EVC: variants seen among roughly 807,000 people sequenced by gnomAD.
EVC encodes EvC ciliary complex subunit 1, also known as evC complex member EVC.
Under a neutral mutation model 118.9 loss-of-function variants are expected in EVC, and 116 were observed. The observed-to-expected ratio is 0.98, with a 90% CI of 0.84 to 1.14. The LOEUF is 1.14. Among genes scored for constraint, EVC ranks in the 50% most tolerant of loss-of-function variants. The probability of loss-of-function intolerance (pLI) is 0.00; values close to 1 mark genes in which losing one functional copy is unlikely to be tolerated. For missense variants in EVC, 1,401 were observed against 1,246.4 expected (o/e 1.12, Z -1.87); for synonymous variants, 619 against 534.7 (o/e 1.16, Z -2.18).
intron 12 of EVC, among the ~76,000 whole-genome samples, chr4:5,791,107 A>C (rs1463081784): frequency 5.3e-5 from 8 of 152,314 alleles, no homozygotes; most frequent in Admixed American, 1.3e-4. Flanking sequence ...AAAAGAAAAA[A>C]AGAAAATTAT....
chr4:5,735,947 C>T (rs1023719532), intron 5 of EVC, among the ~76,000 whole-genome samples: 4 of 152,110 alleles, frequency 2.6e-5, no homozygotes, highest in African/African-American at 7.2e-5. Flanking sequence ...GCTGTGCTGC[C>T]TGGAGACTTA....
At chr4:5,824,656 A>G in the EVC span, 1 of 955,322 alleles carries the variant, frequency 1.0e-6, no homozygotes, top group South Asian at 4.9e-5. Flanking sequence ...ATTGAATATA[A>G]CATCCTAGAT....
chr4:5,711,628 G>C (rs952626018), intron 1 of EVC, 74 bp downstream of exon 1: 1 of 1,086,050 alleles, frequency 9.2e-7, no homozygotes, highest in Admixed American at 5.1e-5. Flanking sequence ...CGGGCCCGGA[G>C]CCCCGGCTCT....
At chr4:5,767,792 C>T (rs886925917) in intron 11 of EVC, among the ~76,000 whole-genome samples, 1 of 152,194 alleles carries the variant, frequency 6.6e-6, no homozygotes, top group African/African-American at 2.4e-5. Context: ...CTGACCTGCG[C>T]CCACTGTCTG....
At position 5,804,931 on chromosome 4, in the gene EVC, G is replaced by C. The variant is rs112874041; in HGVS notation, c.2561+90G>C. On this transcript the variant is annotated intron_variant, in intron 17 of 20. Transcript: ENST00000264956. ...TGTGGTGCCGTCAGCAGGTGCCGTC[G>C]CGTGCATTGCCCGTGGACTTGGGGG... 5.2e-6 allele frequency: 6 copies of C among 1,154,860 alleles called. No homozygotes were observed. The Admixed American group carries it at 1.1e-4, about 21-fold the overall frequency. The allele number at this position is 1,154,860 out of a possible 1,614,324, so 71.5% of individuals were successfully genotyped here.
At position 5,811,916 on chromosome 4, in the gene EVC, TC is replaced by T; in HGVS notation, c.*880del. ...TGGAGAGAAACTTCCAGACCAGCCC[TC>T]TCACTACAGCCAGGAGAGGCCTTTC... On this transcript the variant is annotated 3_prime_UTR_variant, in exon 21 of 21. Transcript: ENST00000264956. 8.2e-6 allele frequency: 1 copy of T among 121,288 alleles called. No homozygotes were observed. Among genetic ancestry groups the T allele is most frequent in the Non-Finnish European group, 1.6e-5 (1 of 61,726 alleles). 7.5% of individuals were successfully genotyped at this position (121,288 alleles called of 1,614,324 possible).
At chr4:5,759,766 G>C (rs1436769957) in intron 11 of EVC, among the ~76,000 whole-genome samples, 1 of 152,188 alleles carries the variant, frequency 6.6e-6, no homozygotes, top group Non-Finnish European at 1.5e-5. Flanking sequence ...TCTGAGACGG[G>C]TCTCAGTTCA....
At chr4:5,725,138 TG>T (rs1725609211) in intron 2 of EVC, among the ~76,000 whole-genome samples, 1 of 152,240 alleles carries the variant, frequency 6.6e-6, no homozygotes, top group Admixed American at 6.5e-5. Context: ...GATGGGCTTT[TG>T]GGTTGATTCC....
intron 12 of EVC, among the ~76,000 whole-genome samples, chr4:5,785,301 G>T (rs886201297): frequency 2.0e-5 from 3 of 152,204 alleles, no homozygotes; most frequent in African/African-American, 7.2e-5. Flanking sequence ...CTGAGCCCCT[G>T]GCAGTGCTGT....
intron 8 of EVC, among the ~76,000 whole-genome samples, chr4:5,751,704 G>A (rs887320267): frequency 1.3e-5 from 2 of 152,162 alleles, no homozygotes; most frequent in African/African-American, 4.8e-5. Context: ...TCACCTCCTC[G>A]AAGACAGGAG....
rs577700778 is a variant in EVC at position 5,731,266 on chromosome 4, G to A, written c.385-159G>A. 5.3e-4 allele frequency among the ~76,000 whole-genome samples: 80 copies of A among 151,978 alleles called. 1 individual carries two copies. The highest frequency in any genetic ancestry group is 1.5e-4 in the Non-Finnish European group (10 of 68,002). On this transcript the variant is annotated intron_variant, in intron 3 of 20. Coordinates refer to ENST00000264956, the MANE Select transcript of EVC (RefSeq NM_153717.3). This position sits in a 1 kb window ranked among gnomAD's most constrained non-coding sequence, Gnocchi z 5.6. ...CTGGGCTGTCGATGTGGCAGAACCT[G>A]GGACGGAAACTCTGTGGTGTCTGCT...
In EVC at chr4:5,718,700, G is replaced by A. The variant is rs1724399878; in HGVS notation, c.175-548G>A. Among the ~76,000 whole-genome samples, 23 of 152,250 alleles carry A rather than the reference G, an allele frequency of 1.5e-4. No individual in the cohort carries two copies. The South Asian group carries it at 4.4e-3, about 29-fold the overall frequency. ...AAAGCGCCATGAGCATTGGTTTGGG[G>A]GTTCTAAATAAATATTAGCAAGTAC... On this transcript the variant is annotated intron_variant, in intron 1 of 20. Coordinates refer to ENST00000264956, the MANE Select transcript of EVC (RefSeq NM_153717.3).
chr4:5,798,890 T>C lies in EVC; in HGVS notation c.2304+98T>C. On this transcript the variant is annotated intron_variant, in intron 15 of 20. Coordinates refer to ENST00000264956, the MANE Select transcript of EVC (RefSeq NM_153717.3). This position sits in a 1 kb window ranked among gnomAD's most constrained non-coding sequence, Gnocchi z 4.1. ...CTCCTTGCCACACCGTTCATGGAGCTTGTGGCCTAGTAGACTTTGCCTGAC... is the reference window on the plus strand; with the variant it reads ...CTCCTTGCCACACCGTTCATGGAGCCTGTGGCCTAGTAGACTTTGCCTGAC... 7.5e-7 allele frequency: 1 copy of C among 1,325,084 alleles called. No homozygotes were observed. Among genetic ancestry groups the C allele is most frequent in the Non-Finnish European group, 1.1e-6 (1 of 942,020 alleles). 82.1% of individuals were successfully genotyped at this position (1,325,084 alleles called of 1,614,324 possible).
In EVC at chr4:5,753,565, G is replaced by A. The variant is rs752061; in HGVS notation, c.1316-220G>A. On this transcript the variant is annotated intron_variant, in intron 9 of 20. Transcript: ENST00000264956. ...CCCCAAGGCTGACCCTGGGGTGGGGGTGGGGCAAGGCTCAAGACGTGGAGG... is the reference window on the plus strand; with the variant it reads ...CCCCAAGGCTGACCCTGGGGTGGGGATGGGGCAAGGCTCAAGACGTGGAGG... Among the ~76,000 whole-genome samples, 43,237 of 151,950 alleles carry A rather than the reference G, an allele frequency of 0.28. 7,199 individuals are homozygous for A. The highest frequency in any genetic ancestry group is 0.41 in the Admixed American group (6,267 of 15,280).
Position 5,742,188 on chromosome 4 carries a change from C to T in EVC, c.801+374C>T, listed in dbSNP as rs906906716. On this transcript the variant is annotated intron_variant, in intron 6 of 20. Transcript: ENST00000264956. The surrounding 1 kb of genome is among the most constrained non-coding windows in gnomAD (Gnocchi z 5.2). ...TATGGAAAGTTTATTTTGTCTCAGG[C>T]GCAGCAAAGAGTCAGGGCTTGGAGT... Among the ~76,000 whole-genome samples, 4 of 151,078 alleles carry T rather than the reference C, an allele frequency of 2.6e-5. No homozygotes were observed. The highest frequency in any genetic ancestry group is 1.9e-4 in the East Asian group (1 of 5,168).
intron 11 of EVC, among the ~76,000 whole-genome samples, chr4:5,768,190 C>T (rs56378913): frequency 0.2 from 31,148 of 152,002 alleles, 3,370 homozygotes; most frequent in East Asian, 0.33. Context: ...TCTTGGAAGA[C>T]GTTGCAGACT....
rs185497638 is a variant in EVC, at chr4:5,812,848, G to C, written c.*1811G>C. ...CCAGACACTGCCCCGTGTCCATGGG[G>C]TTATCACCCACTGTGCTGAGTCAAA... On this transcript the variant is annotated 3_prime_UTR_variant, in exon 21 of 21. Coordinates refer to ENST00000264956, the MANE Select transcript of EVC (RefSeq NM_153717.3). 1 of 151,508 alleles carries C rather than the reference G, an allele frequency of 6.6e-6. No individual in the cohort carries two copies. Among genetic ancestry groups the C allele is most frequent in the Admixed American group, 6.6e-5 (1 of 15,146 alleles). The allele number at this position is 151,508 out of a possible 1,614,324, so 9.4% of individuals were successfully genotyped here.
In EVC at chr4:5,811,007, G is replaced by A. The variant is rs760920720; in HGVS notation, c.2949G>A (p.Lys983=). The change falls in exon 21 of 21, where the codon AAG becomes AAA. Residue 983 remains lysine, a synonymous_variant. Coordinates refer to ENST00000264956, the MANE Select transcript of EVC (RefSeq NM_153717.3). ...AAGCTGGGGACAGTGGGAACTCAAA[G>A]AAGATGCTAAAGAGAAGAAGCAACT... ...ESEAGDSGNS[K]KMLKRRSNL is the part of the protein sequence containing the mutation. 1.1e-5 allele frequency: 17 copies of A among 1,612,948 alleles called. No individual in the cohort carries two copies. The highest frequency in any genetic ancestry group is 1.4e-5 in the Non-Finnish European group (17 of 1,179,390).
intron 2 of EVC, among the ~76,000 whole-genome samples, chr4:5,724,147 T>G (rs1725423905): frequency 6.6e-6 from 1 of 152,142 alleles, no homozygotes; most frequent in Non-Finnish European, 1.5e-5. Flanking sequence ...GACAGATGTG[T>G]GATAATTAAA....
Sources: allele counts gnomAD v4.1 joint callset (sites outside exome capture counted in the v4.1 genomes callset), GRCh38; gene constraint gnomAD v4.1.1; non-coding constraint Gnocchi (gnomAD v3.1); transcripts MANE v1.5; gene names NCBI Gene and HGNC (gene_info 2026-07-23, HGNC 2026-07-21).